Variants in DPYD observed in about 807,000 individuals in gnomAD.
DPYD encodes the protein dihydropyrimidine dehydrogenase [NADP(+)].
Under a neutral mutation model 116.2 loss-of-function variants are expected in DPYD, and 109 were observed. The ratio of observed to expected loss-of-function variants is 0.94; its 90% CI spans 0.80 to 1.10. The LOEUF (loss-of-function observed/expected upper bound fraction) is 1.10, where lower values mean the gene tolerates loss of function less well. Among genes scored for constraint, DPYD ranks in the 50% least tolerant of loss-of-function variants. The pLI is 0.00. For synonymous variants in DPYD, 440 were observed against 432.0 expected (o/e 1.02, Z -0.23); for missense variants, 1,302 against 1,254.5 (o/e 1.04, Z -0.57).
At chr1:97,326,260 C>T (rs1668700646) in intron 16 of DPYD, among the ~76,000 whole-genome samples, 1 of 151,798 alleles carries the variant, frequency 6.6e-6, no homozygotes, top group Non-Finnish European at 1.5e-5. Context: ...ACAAGAGAAG[C>T]AGGTTTTGGC....
Position 97,595,184 on chromosome 1 carries a change from T to C in DPYD, c.851-18A>G. The C allele has an allele frequency of 6.3e-7, 1 of 1,599,108 alleles. No individual in the cohort carries two copies. The highest frequency in any genetic ancestry group is 8.6e-7 in the Non-Finnish European group (1 of 1,166,684). On this transcript the variant is annotated intron_variant, in intron 8 of 22. Coordinates refer to ENST00000370192, the MANE Select transcript of DPYD (RefSeq NM_000110.4). ...TGGCAAACCTAAGTAATCAAATTTA[T>C]AAAATATCATTAGCAGGAGGAGGGG...
intron 13 of DPYD, among the ~76,000 whole-genome samples, chr1:97,453,428 A>C (rs1164643031): frequency 6.6e-6 from 1 of 152,118 alleles, no homozygotes; most frequent in Non-Finnish European, 1.5e-5. Context: ...AACAGTATAC[A>C]TAGGAATTTT....
At chr1:97,661,245 G>A (rs562613647) in intron 8 of DPYD, among the ~76,000 whole-genome samples, 11 of 152,254 alleles carry the variant, frequency 7.2e-5, no homozygotes, top group Non-Finnish European at 1.3e-4. Flanking sequence ...TTCATTTGAA[G>A]AGGGTAAACA....
At chr1:97,620,778 C>T (rs1035684450) in intron 8 of DPYD, among the ~76,000 whole-genome samples, 2 of 152,088 alleles carry the variant, frequency 1.3e-5, no homozygotes, top group Admixed American at 1.3e-4. Context: ...CATACTTCTG[C>T]CCCTATCTAA....
intron 20 of DPYD, among the ~76,000 whole-genome samples, chr1:97,112,309 T>C (rs1249819095): frequency 6.6e-6 from 1 of 152,160 alleles, no homozygotes; most frequent in Non-Finnish European, 1.5e-5. Flanking sequence ...GAACTGCTTA[T>C]TTCACATTTA....
At chr1:97,139,483 T>C (rs1037703842) in intron 20 of DPYD, among the ~76,000 whole-genome samples, 1 of 152,144 alleles carries the variant, frequency 6.6e-6, no homozygotes, top group African/African-American at 2.4e-5. Flanking sequence ...AATGAAACAG[T>C]ATTAAACCCC....
intron 2 of DPYD, among the ~76,000 whole-genome samples, chr1:97,841,718 A>G (rs904600471): frequency 6.6e-6 from 1 of 152,080 alleles, no homozygotes; most frequent in African/African-American, 2.4e-5. Flanking sequence ...GGGAAAAAAA[A>G]AATGTTTGTT....
rs945179457 is a variant in DPYD, at chr1:97,567,377, C to G, written c.1339+6383G>C. Among the ~76,000 whole-genome samples the G allele has an allele frequency of 4.0e-5, 6 of 151,774 alleles. No individual in the cohort carries two copies. The East Asian group carries it at 1.2e-3, about 29-fold the overall frequency. On this transcript the variant is annotated intron_variant, in intron 11 of 22. Coordinates refer to ENST00000370192, the MANE Select transcript of DPYD (RefSeq NM_000110.4). ...TGGAACTAACTGCAATCAATGTTAT[C>G]AAGGGAGCTGATTTCTGAGAGTTGC...
At chr1:97,305,579 A>G (rs1667111410) in intron 17 of DPYD, among the ~76,000 whole-genome samples, 1 of 152,004 alleles carries the variant, frequency 6.6e-6, no homozygotes, top group African/African-American at 2.4e-5. Context: ...CCACAACTTT[A>G]CTTTCTCAAA....
chr1:97,531,709 C>T (rs1163993714), intron 12 of DPYD, among the ~76,000 whole-genome samples: 2 of 152,034 alleles, frequency 1.3e-5, no homozygotes, highest in Non-Finnish European at 2.9e-5. Context: ...CTGTACATTG[C>T]TTTAGGTGAA....
At chr1:97,644,874 G>A (rs909497094) in intron 8 of DPYD, among the ~76,000 whole-genome samples, 3 of 152,004 alleles carry the variant, frequency 2.0e-5, no homozygotes, top group African/African-American at 7.2e-5. Context: ...ACCCTTCACT[G>A]TTGTCTCCTC....
chr1:97,426,688 A>G (rs894073488), intron 14 of DPYD, among the ~76,000 whole-genome samples: 2 of 152,076 alleles, frequency 1.3e-5, no homozygotes, highest in Non-Finnish European at 2.9e-5. Flanking sequence ...GAGATTTTTA[A>G]GGAATACTCC....
At chr1:97,238,704 G>T (rs1367356378) in intron 18 of DPYD, among the ~76,000 whole-genome samples, 3 of 152,176 alleles carry the variant, frequency 2.0e-5, no homozygotes, top group African/African-American at 7.2e-5. Flanking sequence ...TTAGACCAAA[G>T]ACTAGGGAGG....
chr1:97,233,039 C>G (rs1408861273), intron 19 of DPYD, among the ~76,000 whole-genome samples: 1 of 152,112 alleles, frequency 6.6e-6, no homozygotes, highest in Non-Finnish European at 1.5e-5. Context: ...TTTCTGCTAG[C>G]TTTCCTTGGT....
intron 5 of DPYD, among the ~76,000 whole-genome samples, chr1:97,710,934 A>G (rs1662249833): frequency 6.6e-6 from 1 of 151,836 alleles, no homozygotes; most frequent in African/African-American, 2.4e-5. Context: ...AAAAAAACAT[A>G]TATATATTAG....
intron 12 of DPYD, among the ~76,000 whole-genome samples, chr1:97,526,881 A>T (rs1258181377): frequency 6.6e-6 from 1 of 152,192 alleles, no homozygotes; most frequent in Non-Finnish European, 1.5e-5. Context: ...TCCATTTGCA[A>T]GTAATATTTA....
chr1:97,588,361 G>A lies in DPYD; in HGVS notation c.1128+4857C>T, dbSNP rs367774092. On this transcript the variant is annotated intron_variant, in intron 10 of 22. Coordinates refer to ENST00000370192, the MANE Select transcript of DPYD (RefSeq NM_000110.4). ...GATCTTTGAAATATACTTTGTGTGT[G>A]GGATTGTGCTATTAAAAGTAAATTT... 4.6e-5 allele frequency among the ~76,000 whole-genome samples: 7 copies of A among 151,760 alleles called. No individual in the cohort carries two copies. The East Asian group carries it at 5.8e-4, about 13-fold the overall frequency.
At chr1:97,158,330 A>T (rs2101737118) in intron 20 of DPYD, among the ~76,000 whole-genome samples, 1 of 152,188 alleles carries the variant, frequency 6.6e-6, no homozygotes, top group Non-Finnish European at 1.5e-5. Flanking sequence ...AGTTTGCAAT[A>T]TGAAAAAGTT....
intron 7 of DPYD, among the ~76,000 whole-genome samples, chr1:97,687,619 T>C (rs1023619085): frequency 2.6e-5 from 4 of 152,184 alleles, no homozygotes; most frequent in Admixed American, 2.6e-4. Context: ...AACAATCCCA[T>C]TTTTGGGTAT....
Sources: gnomAD v4.1 joint callset for allele counts (sites outside exome capture counted in the v4.1 genomes callset) on GRCh38, gnomAD v4.1.1 for gene constraint, MANE v1.5 for transcripts, NCBI Gene and HGNC (gene_info 2026-07-23, HGNC 2026-07-21) for gene names.